Variants in LRRC37A2 observed in about 807,000 individuals in gnomAD.
LRRC37A2 encodes the protein leucine-rich repeat-containing protein 37A2.
LRRC37A2 carries 9 observed loss-of-function variants against 68.8 expected under a neutral mutation model. The observed-to-expected ratio is 0.13, with a 90% CI of 0.08 to 0.23. The LOEUF (loss-of-function observed/expected upper bound fraction) is 0.23, where lower values mean the gene tolerates loss of function less well. Among genes scored for constraint, LRRC37A2 ranks in the 10% least tolerant of loss-of-function variants. The probability of loss-of-function intolerance (pLI) is 1.00; values close to 1 mark genes in which losing one functional copy is unlikely to be tolerated. For synonymous variants in LRRC37A2, 63 were observed against 367.6 expected (o/e 0.17, Z 9.48); for missense variants, 168 against 950.4 (o/e 0.18, Z 10.82).
chr17:46,716,715 A>G, the LRRC37A2 span, among the ~76,000 whole-genome samples: 10 of 152,240 alleles, frequency 6.6e-5, no homozygotes, highest in Non-Finnish European at 1.2e-4. Flanking sequence ...GAAATAATTT[A>G]GAAAATACAA....
chr17:46,916,099 C>T, the LRRC37A2 span, among the ~76,000 whole-genome samples: 1 of 152,216 alleles, frequency 6.6e-6, no homozygotes, highest in African/African-American at 2.4e-5. Context: ...CCAGCTGGTA[C>T]AAGGTGTTCA....
At chr17:46,980,945 G>A in the LRRC37A2 span, among the ~76,000 whole-genome samples, 4 of 152,168 alleles carry the variant, frequency 2.6e-5, no homozygotes, top group Non-Finnish European at 5.9e-5. Flanking sequence ...GTGGGGAAAG[G>A]GGGCTCCCCA....
At chr17:46,751,613 A>G in the LRRC37A2 span, 1 of 1,602,258 alleles carries the variant, frequency 6.2e-7, no homozygotes, top group Non-Finnish European at 8.6e-7. Flanking sequence ...AGATGTCCCT[A>G]CAGGTAAGGT....
At chr17:46,876,376 G>A in the LRRC37A2 span, 29 of 1,613,836 alleles carry the variant, frequency 1.8e-5, no homozygotes, top group Admixed American at 2.8e-4. Context: ...GCTATGACTC[G>A]GCTGTCAAGG....
downstream of LRRC37A2, chr17:46,556,721 GAAC>G (rs1389100091): frequency 3.6e-5 from 1 of 28,164 alleles, no homozygotes; most frequent in Non-Finnish European, 5.5e-5. Context: ...CCAAATGTTA[GAAC>G]AAAAGATGTG....
the LRRC37A2 span, among the ~76,000 whole-genome samples, chr17:46,925,496 GT>G: frequency 6.6e-6 from 1 of 152,128 alleles, no homozygotes; most frequent in African/African-American, 2.4e-5. Flanking sequence ...GGGAGTTCTG[GT>G]TCTAGACCTC....
the LRRC37A2 span, chr17:46,876,720 C>T: frequency 6.5e-7 from 1 of 1,533,946 alleles, no homozygotes; most frequent in East Asian, 2.3e-5. Flanking sequence ...AAGCACTAGG[C>T]CTACTGCCCA....
the LRRC37A2 span, among the ~76,000 whole-genome samples, chr17:46,952,058 T>C: frequency 6.6e-6 from 1 of 152,204 alleles, no homozygotes; most frequent in Non-Finnish European, 1.5e-5. Flanking sequence ...TTCCTGAAGC[T>C]GGGTTGTTAT....
chr17:46,971,813 C>G, the LRRC37A2 span, among the ~76,000 whole-genome samples: 1 of 152,214 alleles, frequency 6.6e-6, no homozygotes, highest in Admixed American at 6.5e-5. Flanking sequence ...CCCCACTCAC[C>G]CATCTAACAT....
chr17:46,788,074 G>A, the LRRC37A2 span, among the ~76,000 whole-genome samples: 1 of 152,124 alleles, frequency 6.6e-6, no homozygotes, highest in Non-Finnish European at 1.5e-5. Context: ...AGGAATAGGT[G>A]TGCTGAGGGG....
the LRRC37A2 span, among the ~76,000 whole-genome samples, chr17:46,836,095 C>CGCGTGTGTGTGTGTGT: frequency 1.6e-5 from 2 of 126,502 alleles, no homozygotes; most frequent in East Asian, 5.4e-4. Flanking sequence ...GAGACGCTGA[C>CGCGTGTGTGTGTGTGT]GTGTGTGTGT....
the LRRC37A2 span, among the ~76,000 whole-genome samples, chr17:46,491,341 C>G: frequency 6.7e-6 from 1 of 148,538 alleles, no homozygotes; most frequent in South Asian, 2.1e-4. Flanking sequence ...GTTGAAAACT[C>G]ATTAATTTAA....
the LRRC37A2 span, chr17:47,028,253 T>G: frequency 7.3e-7 from 1 of 1,375,004 alleles, no homozygotes; most frequent in Non-Finnish European, 1.0e-6. Flanking sequence ...ATTTTTTTCC[T>G]TTGGCTTGTG....
the LRRC37A2 span, among the ~76,000 whole-genome samples, chr17:46,967,474 G>A: frequency 1.3e-5 from 2 of 152,216 alleles, no homozygotes; most frequent in African/African-American, 4.8e-5. Flanking sequence ...TCATGGGTGA[G>A]GTTGTACTTG....
chr17:46,404,448 G>C, the LRRC37A2 span, among the ~76,000 whole-genome samples: 1 of 99,500 alleles, frequency 1.0e-5, no homozygotes, highest in African/African-American at 3.6e-5. Context: ...TTTAGACATA[G>C]GTGGAAAAAT....
chr17:46,762,048 T>C, the LRRC37A2 span, among the ~76,000 whole-genome samples: 1 of 152,252 alleles, frequency 6.6e-6, no homozygotes, highest in African/African-American at 2.4e-5. Flanking sequence ...ACAGTGGAGC[T>C]AGCAGGGGAC....
chr17:46,949,194 A>G, the LRRC37A2 span: 2 of 152,178 alleles, frequency 1.3e-5, no homozygotes, highest in Non-Finnish European at 2.9e-5. Flanking sequence ...CTGGGAGGAG[A>G]ATCATCTGAA....
At chr17:46,936,902 A>G in the LRRC37A2 span, 1 of 710,486 alleles carries the variant, frequency 1.4e-6, no homozygotes, top group Non-Finnish European at 1.7e-6. Flanking sequence ...ATTCCTGTCC[A>G]TGATGCCTAA....
chr17:46,805,644 G>C, the LRRC37A2 span, among the ~76,000 whole-genome samples: 3 of 152,270 alleles, frequency 2.0e-5, no homozygotes, highest in African/African-American at 7.2e-5. Context: ...TTAGTGATTT[G>C]GCAATCTAAG....
Sources: gnomAD v4.1 joint callset for allele counts (sites outside exome capture counted in the v4.1 genomes callset) on GRCh38, gnomAD v4.1.1 for gene constraint, MANE v1.5 for transcripts, NCBI Gene and HGNC (gene_info 2026-07-23, HGNC 2026-07-21) for gene names.